SORCS1: variants seen among roughly 807,000 people sequenced by gnomAD.
SORCS1 encodes the protein VPS10 domain-containing receptor SorCS1.
Under a neutral mutation model 146.1 loss-of-function variants are expected in SORCS1, and 60 were observed. That is an observed-to-expected ratio of 0.41 (90% CI 0.33 to 0.51). SORCS1 has a LOEUF of 0.51. Ranked by LOEUF, SORCS1 falls within the 20% of genes least tolerant of loss-of-function variation. SORCS1 has a pLI of 0.21. For missense variants in SORCS1, 1,352 were observed against 1,487.6 expected (o/e 0.91, Z 1.50); for synonymous variants, 637 against 584.0 (o/e 1.09, Z -1.31).
intron 16 of SORCS1, among the ~76,000 whole-genome samples, chr10:106,668,295 C>T (rs1851327882): frequency 6.6e-6 from 1 of 152,228 alleles, no homozygotes; most frequent in Non-Finnish European, 1.5e-5. Context: ...GTGTACACTC[C>T]ATATGCTTCA....
chr10:107,146,566 A>AT (rs753519076), intron 1 of SORCS1, among the ~76,000 whole-genome samples: 8 of 152,130 alleles, frequency 5.3e-5, no homozygotes, highest in Non-Finnish European at 7.3e-5. Context: ...CACCTGGTGT[A>AT]TGTCAGGTAT....
rs561173512 is a variant in SORCS1, at chr10:106,743,969, T to C, written c.960-13855A>G. On this transcript the variant is annotated intron_variant, in intron 5 of 25. Transcript: ENST00000263054. ...TTTTCTTTTTAAGACTTTTGCATCA[T>C]ATCACGAACACAGCGTAACACACGA... Among the ~76,000 whole-genome samples, 6 of 152,260 alleles carry C rather than the reference T, an allele frequency of 3.9e-5. No individual in the cohort carries two copies. In the East Asian group the frequency reaches 9.6e-4, roughly 24 times the overall value.
At chr10:107,030,233 A>G (rs1451902051) in intron 1 of SORCS1, among the ~76,000 whole-genome samples, 1 of 152,220 alleles carries the variant, frequency 6.6e-6, no homozygotes. Context: ...TAATAGCATT[A>G]TTAAAAGTAA....
chr10:107,013,062 A>G (rs1032315657), intron 1 of SORCS1, among the ~76,000 whole-genome samples: 2 of 152,194 alleles, frequency 1.3e-5, no homozygotes, highest in Non-Finnish European at 2.9e-5. Context: ...AGGAAACAGC[A>G]TTCAATTCCA....
intron 3 of SORCS1, among the ~76,000 whole-genome samples, chr10:106,803,687 G>T (rs1013642843): frequency 1.3e-5 from 2 of 152,126 alleles, no homozygotes; most frequent in East Asian, 3.9e-4. Flanking sequence ...AATAATGTAG[G>T]GAGGGTAGAA....
At chr10:106,862,812 T>G (rs1421758794) in intron 2 of SORCS1, among the ~76,000 whole-genome samples, 1 of 146,020 alleles carries the variant, frequency 6.8e-6, no homozygotes, top group African/African-American at 2.5e-5. Flanking sequence ...AAAAAAAGTT[T>G]CAGCATTCTG....
chr10:107,073,662 T>C (rs1962634215), intron 1 of SORCS1, among the ~76,000 whole-genome samples: 1 of 152,196 alleles, frequency 6.6e-6, no homozygotes, highest in African/African-American at 2.4e-5. Context: ...AGCTATTTTA[T>C]CCAAGTCATA....
intron 1 of SORCS1, among the ~76,000 whole-genome samples, chr10:106,988,275 G>T (rs931399316): frequency 6.6e-6 from 1 of 152,192 alleles, no homozygotes; most frequent in East Asian, 1.9e-4. Context: ...AAACGTTGGT[G>T]GCTTTAAAAT....
chr10:106,730,137 A>G (rs1856490142), intron 5 of SORCS1, 23 bp from the exon 6 acceptor site: 1 of 1,613,038 alleles, frequency 6.2e-7, no homozygotes, highest in Non-Finnish European at 8.5e-7. Context: ...GAAACATGAA[A>G]AGAAACATCC....
At chr10:107,173,099 A>G in the SORCS1 span, among the ~76,000 whole-genome samples, 7 of 152,206 alleles carry the variant, frequency 4.6e-5, no homozygotes, top group African/African-American at 9.6e-5. Flanking sequence ...TTCTCAGTCA[A>G]CAATACCTAT....
chr10:107,132,833 T>TTAA (rs1461005318), intron 1 of SORCS1, among the ~76,000 whole-genome samples: 4 of 152,072 alleles, frequency 2.6e-5, no homozygotes, highest in African/African-American at 9.7e-5. Flanking sequence ...ATTTCTGCTA[T>TTAA]TACCCTTCTC....
At chr10:107,154,988 A>G (rs1969165138) in intron 1 of SORCS1, among the ~76,000 whole-genome samples, 1 of 152,248 alleles carries the variant, frequency 6.6e-6, no homozygotes, top group African/African-American at 2.4e-5. Flanking sequence ...TCTAGTGGAT[A>G]GTAGAGTCGG....
At chr10:107,057,156 G>A (rs1226040363) in intron 1 of SORCS1, among the ~76,000 whole-genome samples, 1 of 152,142 alleles carries the variant, frequency 6.6e-6, no homozygotes, top group Admixed American at 6.5e-5. Context: ...AGAAAAGAAT[G>A]AGATCAGCAC....
At chr10:107,122,695 C>A (rs548661615) in intron 1 of SORCS1, among the ~76,000 whole-genome samples, 1 of 151,934 alleles carries the variant, frequency 6.6e-6, no homozygotes, top group African/African-American at 2.4e-5. Flanking sequence ...TCCTTACGGA[C>A]TAAAAGCAGG....
Position 107,026,446 on chromosome 10 carries a change from T to C in SORCS1, c.559-69866A>G, listed in dbSNP as rs187548330. Among the ~76,000 whole-genome samples, 96 of 151,934 alleles carry C rather than the reference T, an allele frequency of 6.3e-4. 2 individuals are homozygous for C. Among genetic ancestry groups the C allele is most frequent in the African/African-American group, 2.3e-3 (95 of 41,492 alleles). On this transcript the variant is annotated intron_variant, in intron 1 of 25. Coordinates refer to ENST00000263054, the MANE Select transcript of SORCS1 (RefSeq NM_052918.5). ...CATCCTGGCTAGCATGGTGAAACCC[T>C]GTGTCTACTAAAAATACAAAAAATT...
chr10:106,631,968 T>A (rs1848468087), intron 18 of SORCS1, among the ~76,000 whole-genome samples: 1 of 152,192 alleles, frequency 6.6e-6, no homozygotes, highest in Admixed American at 6.5e-5. Context: ...TCTCTGTGTA[T>A]ATAATGGGTG....
chr10:107,157,508 T>C (rs554189904), intron 1 of SORCS1, among the ~76,000 whole-genome samples: 1 of 152,336 alleles, frequency 6.6e-6, no homozygotes, highest in East Asian at 1.9e-4. Context: ...GTGTCGATCT[T>C]TGAAAACTGA....
intron 4 of SORCS1, among the ~76,000 whole-genome samples, chr10:106,763,175 T>G: frequency 6.6e-6 from 1 of 152,212 alleles, no homozygotes; most frequent in East Asian, 1.9e-4. Flanking sequence ...CAGGCTGAAC[T>G]CATATACATG....
chr10:106,773,896 C>A (rs1039299296), intron 4 of SORCS1, among the ~76,000 whole-genome samples: 3 of 152,218 alleles, frequency 2.0e-5, no homozygotes, highest in Admixed American at 2.0e-4. Context: ...TTGCAGTGAG[C>A]CCAGATTGCG....
Sources: allele counts gnomAD v4.1 joint callset (sites outside exome capture counted in the v4.1 genomes callset), GRCh38; gene constraint gnomAD v4.1.1; transcripts MANE v1.5; gene names NCBI Gene and HGNC (gene_info 2026-07-23, HGNC 2026-07-21).